Variants in PCNX1 observed in about 807,000 individuals in gnomAD.
The protein encoded by PCNX1 is pecanex 1, also known as pecanex-like protein 1.
In PCNX1, 78 loss-of-function variants were observed where a neutral mutation model predicts 242.2. The ratio of observed to expected loss-of-function variants is 0.32; its 90% confidence interval spans 0.27 to 0.39. PCNX1 has a LOEUF of 0.39. Ranked by LOEUF, PCNX1 falls within the 10% of genes least tolerant of loss-of-function variation. The pLI is 1.00. For missense variants in PCNX1, 2,581 were observed against 2,856.5 expected (o/e 0.90, Z 2.20); for synonymous variants, 1,024 against 1,032.9 (o/e 0.99, Z 0.17).
chr14:70,909,379 A>G (rs1401073782), intron 1 of PCNX1, among the ~76,000 whole-genome samples: 1 of 152,158 alleles, frequency 6.6e-6, no homozygotes, highest in Non-Finnish European at 1.5e-5. Context: ...ATAATTTTCA[A>G]TTAATTTTGG....
intron 2 of PCNX1, among the ~76,000 whole-genome samples, chr14:70,951,340 C>T (rs1323382947): frequency 1.3e-5 from 2 of 151,476 alleles, no homozygotes; most frequent in Non-Finnish European, 2.9e-5. Flanking sequence ...CAGTATTTTA[C>T]TTTTTTGATA....
intron 5 of PCNX1, among the ~76,000 whole-genome samples, chr14:70,972,607 T>G (rs774824272): frequency 2.2e-4 from 33 of 152,184 alleles, no homozygotes; most frequent in Non-Finnish European, 4.7e-4. Flanking sequence ...CGTTTGGTAC[T>G]CTTACTCCTC....
chr14:71,013,350 G>A, intron 11 of PCNX1, 148 bp downstream of exon 11: 1 of 713,976 alleles, frequency 1.4e-6, no homozygotes, highest in East Asian at 2.6e-5. Flanking sequence ...TAAGGTAATG[G>A]GTTTCTAAAC....
chr14:70,927,085 T>G (rs1272597147), intron 1 of PCNX1, among the ~76,000 whole-genome samples: 1 of 152,190 alleles, frequency 6.6e-6, no homozygotes. Context: ...CTTCAAAGGA[T>G]TGTGGCAATA....
chr14:71,062,539 A>G (rs1452511016), intron 26 of PCNX1, among the ~76,000 whole-genome samples: 4 of 152,048 alleles, frequency 2.6e-5, no homozygotes, highest in Non-Finnish European at 5.9e-5. Flanking sequence ...ATAAGGATAT[A>G]AGGAAAAAAT....
intron 1 of PCNX1, among the ~76,000 whole-genome samples, chr14:70,932,585 A>G (rs1241578051): frequency 6.6e-6 from 1 of 151,116 alleles, no homozygotes; most frequent in Non-Finnish European, 1.5e-5. Context: ...TTTTATTTTT[A>G]TTTATCTAAT....
At chr14:71,104,205 G>T (rs1351968459) in intron 32 of PCNX1, among the ~76,000 whole-genome samples, 1 of 152,118 alleles carries the variant, frequency 6.6e-6, no homozygotes, top group Non-Finnish European at 1.5e-5. Context: ...CTTTTGTCTA[G>T]TAAATTATGT....
chr14:70,981,181 A>G (rs1213190897), intron 6 of PCNX1, among the ~76,000 whole-genome samples: 1 of 152,148 alleles, frequency 6.6e-6, no homozygotes, highest in African/African-American at 2.4e-5. Context: ...GTGAGGACTA[A>G]GGAGTTAAGT....
intron 18 of PCNX1, 42 bp from the exon 19 acceptor site, chr14:71,036,023 A>C (rs2060521738): frequency 1.5e-6 from 2 of 1,338,716 alleles, no homozygotes; most frequent in South Asian, 1.3e-5. Context: ...GATTTTTAAA[A>C]ATTTTATGTA....
At chr14:70,910,049 T>TCCTCCTCCTCCC (rs1555380092) in intron 1 of PCNX1, among the ~76,000 whole-genome samples, 1 of 62,486 alleles carries the variant, frequency 1.6e-5, no homozygotes, top group African/African-American at 7.4e-5. Context: ...CTCCTCCTCC[T>TCCTCCTCCTCCC]CCTCCTCCTC....
At chr14:70,916,131 T>A (rs2056143592) in intron 1 of PCNX1, among the ~76,000 whole-genome samples, 1 of 152,202 alleles carries the variant, frequency 6.6e-6, no homozygotes, top group Non-Finnish European at 1.5e-5. Flanking sequence ...TGTGACATGC[T>A]ATTCTTACTT....
Position 71,111,537 on chromosome 14 carries a change from A to G in PCNX1, c.*1602A>G, listed in dbSNP as rs920762741. ...GTACCTAGTGGCTACTGTATTAGAC[A>G]GTACAGATTTAAAGTATCTTTTGTT... is the stretch of plus-strand genomic sequence containing the variant. On this transcript the variant is annotated 3_prime_UTR_variant, in exon 36 of 36. Transcript: ENST00000304743. 1.3e-5 allele frequency: 2 copies of G among 152,246 alleles called. No homozygotes were observed. Among genetic ancestry groups the G allele is most frequent in the African/African-American group, 4.8e-5 (2 of 41,462 alleles). The allele number at this position is 152,246 out of a possible 1,614,324, so 9.4% of individuals were successfully genotyped here.
At chr14:71,092,611 C>G (rs561798340) in intron 30 of PCNX1, 6 of 152,104 alleles carry the variant, frequency 3.9e-5, no homozygotes, top group African/African-American at 1.2e-4. Flanking sequence ...TGAAAGTGCT[C>G]TATTCTGCAG....
intron 2 of PCNX1, among the ~76,000 whole-genome samples, chr14:70,961,825 T>C (rs923706199): frequency 1.3e-5 from 2 of 152,220 alleles, no homozygotes; most frequent in African/African-American, 4.8e-5. Context: ...TAATGTAATA[T>C]CTGATTACAT....
At chr14:71,011,941 G>A in intron 10 of PCNX1, 1 of 172,632 alleles carries the variant, frequency 5.8e-6, no homozygotes, top group Non-Finnish European at 1.2e-5. Flanking sequence ...AAGCAAACAT[G>A]GGAAGATGAT....
chr14:71,083,559 T>G (rs916757829), intron 28 of PCNX1, among the ~76,000 whole-genome samples: 1 of 152,136 alleles, frequency 6.6e-6, no homozygotes, highest in African/African-American at 2.4e-5. Flanking sequence ...TTTTCATTCT[T>G]TTTTCTCTCA....
At chr14:71,056,393 A>G (rs558408806) in intron 25 of PCNX1, among the ~76,000 whole-genome samples, 1 of 152,212 alleles carries the variant, frequency 6.6e-6, no homozygotes, top group Non-Finnish European at 1.5e-5. Flanking sequence ...TGATGATGCC[A>G]TCCTGCATAA....
At chr14:71,026,362 C>A in intron 14 of PCNX1, 74 bp downstream of exon 14, 1 of 880,886 alleles carries the variant, frequency 1.1e-6, no homozygotes, top group South Asian at 2.2e-5. Context: ...ATAAATATAT[C>A]AATTATACAG....
chr14:70,910,229 T>TCCTCCTCCTCCTC (rs1375541677), intron 1 of PCNX1, among the ~76,000 whole-genome samples: 1 of 69,488 alleles, frequency 1.4e-5, no homozygotes, highest in African/African-American at 5.3e-5. Context: ...CTCCTCCTCC[T>TCCTCCTCCTCCTC]CTCACCAGCA....
Sources: gnomAD v4.1 joint callset for allele counts (sites outside exome capture counted in the v4.1 genomes callset) on GRCh38, gnomAD v4.1.1 for gene constraint, MANE v1.5 for transcripts, NCBI Gene and HGNC (gene_info 2026-07-23, HGNC 2026-07-21) for gene names.